The following ANKRD13B variants were observed in gnomAD, a reference collection of about 807,000 sequenced individuals.
The protein encoded by ANKRD13B is ankyrin repeat domain 13B, also known as ankyrin repeat domain-containing protein 13B.
ANKRD13B carries 33 observed loss-of-function variants against 74.4 expected under a neutral mutation model. The ratio of observed to expected loss-of-function variants is 0.44; its 90% CI spans 0.34 to 0.59. The LOEUF (loss-of-function observed/expected upper bound fraction) is 0.59, where lower values mean the gene tolerates loss of function less well. Ranked by LOEUF, ANKRD13B falls within the 20% of genes least tolerant of loss-of-function variation. The pLI, the probability that ANKRD13B is intolerant of heterozygous loss-of-function variation, is 0.02. For missense variants in ANKRD13B, 676 were observed against 877.9 expected (o/e 0.77, Z 2.91); for synonymous variants, 341 against 362.9 (o/e 0.94, Z 0.68).
intron 1 of ANKRD13B, among the ~76,000 whole-genome samples, chr17:29,605,944 C>T (rs974921967): frequency 7.3e-5 from 11 of 151,252 alleles, no homozygotes; most frequent in Admixed American, 7.2e-4. Context: ...CGGAGTTTTG[C>T]TCTTGTCGCC....
intron 1 of ANKRD13B, among the ~76,000 whole-genome samples, chr17:29,594,938 G>GC (rs1484896272): frequency 6.6e-6 from 1 of 152,228 alleles, no homozygotes; most frequent in African/African-American, 2.4e-5. Context: ...CGCTGAGCCA[G>GC]CCCCCAGGCC....
chr17:29,612,152 C>G lies in ANKRD13B; in HGVS notation c.1137C>G (p.Pro379=). ...KAKLWLCEEH[P]LSLCEQVAPI... ...AGCTGTGGCTGTGTGAGGAGCATCC[C>G]CTGTCCCTGTGTGAGCAGGTGGCCC... Residue 379 remains proline, a synonymous_variant, in exon 11 of 15, where the codon CCC becomes CCG. Transcript: ENST00000394859. The surrounding 1 kb of genome is among the most constrained non-coding windows in gnomAD (Gnocchi z 6.1). The G allele has an allele frequency of 6.2e-7, 1 of 1,614,120 alleles. No homozygotes were observed. Among genetic ancestry groups the G allele is most frequent in the Non-Finnish European group, 8.5e-7 (1 of 1,180,014 alleles).
rs192989543 is a variant in ANKRD13B at position 29,597,573 on chromosome 17, G to A, written c.114+3838G>A. On this transcript the variant is annotated intron_variant, in intron 1 of 14. Coordinates refer to ENST00000394859, the MANE Select transcript of ANKRD13B (RefSeq NM_152345.5). ...TCCGTTCTCTTGGTGGGGAGGGCTG[G>A]GTGTTGGGTTTCATGGGAAACCTTT... is the stretch of plus-strand genomic sequence containing the variant. 2.6e-5 allele frequency among the ~76,000 whole-genome samples: 4 copies of A among 152,250 alleles called. No individual in the cohort carries two copies. In the East Asian group the frequency reaches 7.7e-4, roughly 29 times the overall value.
intron 1 of ANKRD13B, among the ~76,000 whole-genome samples, chr17:29,607,052 C>T (rs556062677): frequency 1.3e-5 from 2 of 149,878 alleles, no homozygotes; most frequent in Non-Finnish European, 3.0e-5. Flanking sequence ...TCCGTCCCCC[C>T]AAAAAAAACA....
Position 29,613,388 on chromosome 17 carries a change from C to A in ANKRD13B, c.1687C>A (p.Pro563Thr), listed in dbSNP as rs970503616. Residue 563 changes from proline (P) to threonine (T), a missense_variant, in exon 15 of 15, where the codon CCC becomes ACC. Pro to Thr is a conservative substitution (Grantham distance 38). Coordinates refer to ENST00000394859, the MANE Select transcript of ANKRD13B (RefSeq NM_152345.5). ...GCCCACGCCGCAGCGCCAGCCTGCG[C>A]CCCCGGCGTCAGTGCCCAGCCCTCG... ...APPTPQRQPA[P>T]PASVPSPRPS... 1 of 1,485,202 alleles carries A rather than the reference C, an allele frequency of 6.7e-7. No homozygotes were observed. Among genetic ancestry groups the A allele is most frequent in the Non-Finnish European group, 8.9e-7 (1 of 1,123,624 alleles). 92.0% of individuals were successfully genotyped at this position (1,485,202 alleles called of 1,614,324 possible). A position where few individuals can be genotyped will look rare whatever the true frequency, so the allele number is the denominator to read the frequency against.
At chr17:29,613,284 C>A in intron 14 of ANKRD13B, 70 bp from the exon 15 acceptor site, 1 of 1,387,386 alleles carries the variant, frequency 7.2e-7, no homozygotes, top group Non-Finnish European at 9.3e-7. Flanking sequence ...GGAGCCTCCA[C>A]GCCGTGTCCC....
chr17:29,602,351 C>T (rs1567788151), intron 1 of ANKRD13B, among the ~76,000 whole-genome samples: 4 of 149,562 alleles, frequency 2.7e-5, no homozygotes, highest in East Asian at 3.9e-4. Flanking sequence ...GCTGAGATCA[C>T]GCCACTGCAC....
In ANKRD13B at chr17:29,600,111, C is replaced by T. The variant is rs913753692; in HGVS notation, c.114+6376C>T. ...CAGGATGGTCTCGATCTCCTGACCT[C>T]GTGATCCGCCCACCTCGGCCTCCCA... is the stretch of plus-strand genomic sequence containing the variant. On this transcript the variant is annotated intron_variant, in intron 1 of 14. Transcript: ENST00000394859. 3.9e-5 allele frequency among the ~76,000 whole-genome samples: 6 copies of T among 152,048 alleles called. No individual in the cohort carries two copies. The East Asian group carries it at 9.6e-4, about 24-fold the overall frequency.
At chr17:29,605,219 G>A (rs1443157214) in intron 1 of ANKRD13B, among the ~76,000 whole-genome samples, 7 of 152,060 alleles carry the variant, frequency 4.6e-5, no homozygotes, top group African/African-American at 1.7e-4. Flanking sequence ...CTCAGGAAGA[G>A]CACCATGCTC....
At chr17:29,606,017 G>A (rs62068579) in intron 1 of ANKRD13B, among the ~76,000 whole-genome samples, 27 of 151,740 alleles carry the variant, frequency 1.8e-4, no homozygotes, top group Middle Eastern at 6.8e-3. Context: ...GGTTCAAGCG[G>A]TTCTCTTGCC....
intron 1 of ANKRD13B, among the ~76,000 whole-genome samples, chr17:29,606,333 C>T (rs1451926932): frequency 1.2e-4 from 18 of 151,626 alleles, no homozygotes; most frequent in Non-Finnish European, 2.1e-4. Context: ...CCAAGGCAGG[C>T]GAATCACTTG....
In ANKRD13B at chr17:29,593,477, C is replaced by CCCGCCCG. The variant is rs2033837948; in HGVS notation, c.-139_-133dup. The CCCGCCCG allele has an allele frequency of 1.1e-5, 2 of 189,566 alleles. No individual in the cohort carries two copies. The highest frequency in any genetic ancestry group is 1.4e-4 in the Admixed American group (2 of 14,708). The allele number at this position is 189,566 out of a possible 1,614,324, so 11.7% of individuals were successfully genotyped here. On this transcript the variant is annotated 5_prime_UTR_variant, in exon 1 of 15. The change creates a premature stop within an existing upstream ORF in the 5' untranslated region. Transcript: ENST00000394859. ...CCCGCACCGCGCCGGGCGCGCCGCC[C>CCCGCCCG]CCGCCCGCCGCCGCTCGCACATGCC...
At chr17:29,593,872 T>G in intron 1 of ANKRD13B, 137 bp downstream of exon 1, 8 of 221,380 alleles carry the variant, frequency 3.6e-5, no homozygotes, top group Non-Finnish European at 4.4e-5. Context: ...GCGGCTTTTG[T>G]GCTTGTTGAC....
rs780118283 is a variant in ANKRD13B at position 29,612,378 on chromosome 17, G to T, written c.1259-24G>T. ...GAGGTGTGAGGGGCTGAGTGGTGGC[G>T]CCTAAAGGTTTCCTCATCCTCAGAA... On this transcript the variant is annotated intron_variant, in intron 11 of 14. Coordinates refer to ENST00000394859, the MANE Select transcript of ANKRD13B (RefSeq NM_152345.5). The surrounding 1 kb of genome is among the most constrained non-coding windows in gnomAD (Gnocchi z 6.1). 1.6e-5 allele frequency: 25 copies of T among 1,612,336 alleles called. No individual in the cohort carries two copies. Among genetic ancestry groups the T allele is most frequent in the East Asian group, 1.1e-4 (5 of 44,876 alleles).
rs764387130 is a variant in ANKRD13B at position 29,609,887 on chromosome 17, C to T, written c.822+466C>T. On this transcript the variant is annotated intron_variant, in intron 7 of 14. Transcript: ENST00000394859. This position sits in a 1 kb window ranked among gnomAD's most constrained non-coding sequence, Gnocchi z 4.0. ...TGGCTGGCCTGACCCTAGAGCCAGG[C>T]CTTTATCCCTAAAAATGACTGCCTG... Among the ~76,000 whole-genome samples, 1 of 152,112 alleles carries T rather than the reference C, an allele frequency of 6.6e-6. No homozygotes were observed. Among genetic ancestry groups the T allele is most frequent in the East Asian group, 1.9e-4 (1 of 5,184 alleles).
rs556384866 is a variant in ANKRD13B, at chr17:29,614,235, ATTT to A, written c.*670_*672del. On this transcript the variant is annotated 3_prime_UTR_variant, in exon 15 of 15. Coordinates refer to ENST00000394859, the MANE Select transcript of ANKRD13B (RefSeq NM_152345.5). ...GTTGGAGTCCCATCCCCCAAGGCACATTTTTTTTTTTTTTTTTTTGTGATCAGG... is the reference window on the plus strand; with the variant it reads ...GTTGGAGTCCCATCCCCCAAGGCACATTTTTTTTTTTTTTTTGTGATCAGG... The A allele has an allele frequency of 7.0e-5, 9 of 127,708 alleles. No homozygotes were observed. Among genetic ancestry groups the A allele is most frequent in the Non-Finnish European group, 1.2e-4 (7 of 59,728 alleles). 7.9% of individuals were successfully genotyped at this position (127,708 alleles called of 1,614,324 possible). A position where few individuals can be genotyped will look rare whatever the true frequency, so the allele number is the denominator to read the frequency against.
chr17:29,600,782 T>C (rs1179009388), intron 1 of ANKRD13B, among the ~76,000 whole-genome samples: 1 of 152,242 alleles, frequency 6.6e-6, no homozygotes, highest in Non-Finnish European at 1.5e-5. Flanking sequence ...CCTCTGTGGC[T>C]GCTTTAGTTT....
rs1424890064 is a variant in ANKRD13B, at chr17:29,593,340, G to A, written c.-282G>A. On this transcript the variant is annotated 5_prime_UTR_variant, in exon 1 of 15. Transcript: ENST00000394859. ...CTTTGTGTGCGGGGGTGTGGGAGGC[G>A]AGCGCGAGTCCGCGCAGCGCCGCCG... is the stretch of plus-strand genomic sequence containing the variant. 6.8e-6 allele frequency: 1 copy of A among 147,614 alleles called. No individual in the cohort carries two copies. Among genetic ancestry groups the A allele is most frequent in the Non-Finnish European group, 1.5e-5 (1 of 66,186 alleles). The allele number at this position is 147,614 out of a possible 1,614,324, so 9.1% of individuals were successfully genotyped here.
At chr17:29,602,300 CA>C (rs1417719158) in intron 1 of ANKRD13B, among the ~76,000 whole-genome samples, 2 of 149,662 alleles carry the variant, frequency 1.3e-5, no homozygotes, top group Non-Finnish European at 2.9e-5. Context: ...GAGGCTGAGG[CA>C]GGAGAATGGC....
Sources: allele counts gnomAD v4.1 joint callset (sites outside exome capture counted in the v4.1 genomes callset), GRCh38; gene constraint gnomAD v4.1.1; non-coding constraint Gnocchi (gnomAD v3.1); transcripts MANE v1.5; gene names NCBI Gene and HGNC (gene_info 2026-07-23, HGNC 2026-07-21).